MTMR10: variants seen among roughly 807,000 people sequenced by gnomAD.
The protein encoded by MTMR10 is myotubularin-related protein 10.
In MTMR10, 56 loss-of-function variants were observed where a neutral mutation model predicts 88.1. The ratio of observed to expected loss-of-function variants is 0.64; its 90% CI spans 0.51 to 0.79. The LOEUF is 0.79. MTMR10 is among the 30% of genes least tolerant of loss of function. MTMR10 has a pLI of 0.00. For synonymous variants in MTMR10, 380 were observed against 340.9 expected (o/e 1.11, Z -1.26); for missense variants, 883 against 924.7 (o/e 0.95, Z 0.58).
chr15:30,963,662 T>C (rs74365579), intron 6 of MTMR10, among the ~76,000 whole-genome samples: 15 of 144,062 alleles, frequency 1.0e-4, no homozygotes, highest in African/African-American at 3.8e-4. Flanking sequence ...GATAGATAGA[T>C]AGACAGACAG....
At chr15:30,951,288 A>G (rs1476773329) in intron 12 of MTMR10, among the ~76,000 whole-genome samples, 1 of 152,222 alleles carries the variant, frequency 6.6e-6, no homozygotes, top group Non-Finnish European at 1.5e-5. Flanking sequence ...TTAGAGTCAT[A>G]ATCTAGCATG....
At chr15:30,963,233 G>T (rs1336793992) in intron 6 of MTMR10, among the ~76,000 whole-genome samples, 2 of 152,116 alleles carry the variant, frequency 1.3e-5, no homozygotes, top group Non-Finnish European at 1.5e-5. Context: ...TCCATCACTG[G>T]ACGGTGCTGC....
chr15:30,961,892 T>C (rs762449012), intron 6 of MTMR10, among the ~76,000 whole-genome samples: 25 of 152,264 alleles, frequency 1.6e-4, no homozygotes, highest in Middle Eastern at 6.8e-3. Context: ...GTGGGGTAAG[T>C]CCATGTCATT....
chr15:30,967,352 G>A (rs149290714), intron 6 of MTMR10, among the ~76,000 whole-genome samples: 96 of 152,262 alleles, frequency 6.3e-4, no homozygotes, highest in Middle Eastern at 3.4e-3. Context: ...TGTCATGACT[G>A]TCAGATATAT....
At chr15:30,985,923 T>C (rs1566970915) in intron 2 of MTMR10, among the ~76,000 whole-genome samples, 1 of 151,980 alleles carries the variant, frequency 6.6e-6, no homozygotes, top group African/African-American at 2.4e-5. Context: ...CAGTCCAGGG[T>C]GGGTTATTAA....
intron 14 of MTMR10, among the ~76,000 whole-genome samples, chr15:30,945,181 G>A (rs916206439): frequency 6.6e-6 from 1 of 152,142 alleles, no homozygotes; most frequent in South Asian, 2.1e-4. Context: ...GGAAGGGGCT[G>A]AGAACGGTTA....
At chr15:30,952,149 C>A in intron 11 of MTMR10, 111 bp from the exon 12 acceptor site, 1 of 892,790 alleles carries the variant, frequency 1.1e-6, no homozygotes. Flanking sequence ...GCTCTCTGAT[C>A]ATGATATTCC....
chr15:30,987,517 C>T (rs2031014922), intron 2 of MTMR10, among the ~76,000 whole-genome samples: 1 of 152,108 alleles, frequency 6.6e-6, no homozygotes, highest in Non-Finnish European at 1.5e-5. Context: ...TCCAACAGTG[C>T]ACATGGTGAC....
the MTMR10 span, among the ~76,000 whole-genome samples, chr15:30,924,483 C>T: frequency 2.6e-5 from 4 of 152,178 alleles, no homozygotes; most frequent in Non-Finnish European, 5.9e-5. Context: ...TCTCTACCTC[C>T]TTGTCAATGC....
At position 30,941,693 on chromosome 15, in the gene MTMR10, A is replaced by AG. The variant is rs1393905358; in HGVS notation, c.2110dup (p.Leu704ProfsTer68). ...GCCCAGCTCCCCATAGCAGGCCTCC[A>AG]GGGGGCCACTGCGCTGTTGCCGCAG... On this transcript the variant is annotated frameshift_variant, in exon 16 of 16. Coordinates refer to ENST00000435680, the MANE Select transcript of MTMR10 (RefSeq NM_017762.3). LOFTEE classifies it high-confidence loss of function. 1.2e-6 allele frequency: 2 copies of AG among 1,613,778 alleles called. No homozygotes were observed. Among genetic ancestry groups the AG allele is most frequent in the Non-Finnish European group, 1.7e-6 (2 of 1,179,802 alleles).
intron 5 of MTMR10, among the ~76,000 whole-genome samples, chr15:30,971,295 T>C (rs969438251): frequency 6.6e-6 from 1 of 152,196 alleles, no homozygotes; most frequent in African/African-American, 2.4e-5. Context: ...AAATCAATTT[T>C]TGGACCAAAG....
At chr15:30,947,380 TG>T in intron 13 of MTMR10, 80 bp from the exon 14 acceptor site, 2 of 1,461,010 alleles carry the variant, frequency 1.4e-6, no homozygotes, top group Admixed American at 4.8e-5. Flanking sequence ...GTACTGCTGA[TG>T]TTAAAGAAGA....
the MTMR10 span, chr15:30,927,619 G>C: frequency 7.1e-6 from 7 of 985,440 alleles, no homozygotes; most frequent in South Asian, 2.8e-4. Context: ...TAAATGTCAG[G>C]TGGGACCAGC....
At chr15:30,951,576 T>C (rs61997081) in intron 12 of MTMR10, among the ~76,000 whole-genome samples, 7,856 of 152,228 alleles carry the variant, frequency 0.052, 289 homozygotes, top group Admixed American at 0.11. Context: ...CTCTGCTCAC[T>C]GCAACCTCCG....
chr15:30,982,852 C>A (rs1852264319), intron 2 of MTMR10, among the ~76,000 whole-genome samples: 1 of 152,204 alleles, frequency 6.6e-6, no homozygotes, highest in Admixed American at 6.5e-5. Context: ...GAGGAGCTGT[C>A]ATAAGCTCCT....
At chr15:30,954,649 A>G in intron 10 of MTMR10, 114 bp downstream of exon 10, 7 of 1,099,560 alleles carry the variant, frequency 6.4e-6, no homozygotes, top group Non-Finnish European at 7.3e-6. Context: ...AAATAGTTCC[A>G]TAGACTCCTT....
chr15:30,943,219 A>ACTT (rs1480177159), intron 14 of MTMR10, 147 bp from the exon 15 acceptor site: 2 of 1,401,298 alleles, frequency 1.4e-6, no homozygotes, highest in African/African-American at 2.9e-5. Flanking sequence ...ACTTCAAGAG[A>ACTT]GGAGACGCTC....
chr15:30,919,804 G>C, the MTMR10 span, among the ~76,000 whole-genome samples: 1 of 152,250 alleles, frequency 6.6e-6, no homozygotes, highest in South Asian at 2.1e-4. Context: ...ACAGCAAATA[G>C]GCTGAGGACG....
chr15:30,920,684 T>TA, the MTMR10 span: 2 of 1,279,412 alleles, frequency 1.6e-6, no homozygotes, highest in Non-Finnish European at 1.1e-6. Context: ...CCCCCACCAT[T>TA]ACTGATGTGA....
Sources: allele counts gnomAD v4.1 joint callset (sites outside exome capture counted in the v4.1 genomes callset), GRCh38; gene constraint gnomAD v4.1.1; transcripts MANE v1.5; gene names NCBI Gene and HGNC (gene_info 2026-07-23, HGNC 2026-07-21).